NRP1: variants seen among roughly 807,000 people sequenced by gnomAD.
The protein encoded by NRP1 is neuropilin-1.
NRP1 carries 35 observed loss-of-function variants against 106.7 expected under a neutral mutation model. The observed-to-expected ratio is 0.33, with a 90% CI of 0.25 to 0.43. The LOEUF (loss-of-function observed/expected upper bound fraction) is 0.43, where lower values mean the gene tolerates loss of function less well. NRP1 is among the 20% of genes least tolerant of loss of function. NRP1 has a pLI of 1.00. For synonymous variants in NRP1, 437 were observed against 417.9 expected (o/e 1.05, Z -0.56); for missense variants, 1,024 against 1,170.4 (o/e 0.87, Z 1.83).
Position 33,207,753 on chromosome 10 carries a change from A to AG in NRP1, c.1615-38_1615-37insC, listed in dbSNP as rs1554779708. 223 of 1,598,522 alleles carry AG rather than the reference A, an allele frequency of 1.4e-4. 1 individual carries two copies. In the African/African-American group the frequency reaches 2.7e-3, roughly 19 times the overall value. ...GGAAAACACAGGGCATTAAGGAAAA[A>AG]AAAAAACAGAGCTCCCTTTTAGCAA... On this transcript the variant is annotated intron_variant, in intron 9 of 16. Transcript: ENST00000374867.
At chr10:33,290,174 G>T (rs1179814515) in intron 2 of NRP1, among the ~76,000 whole-genome samples, 1 of 152,116 alleles carries the variant, frequency 6.6e-6, no homozygotes, top group Non-Finnish European at 1.5e-5. Context: ...ACGTCTATAT[G>T]TGCATATATT....
At chr10:33,234,914 G>T (rs1207216350) in intron 6 of NRP1, among the ~76,000 whole-genome samples, 1 of 152,158 alleles carries the variant, frequency 6.6e-6, no homozygotes, top group East Asian at 1.9e-4. Context: ...CAGGGGCAGT[G>T]GAAGGGCTGG....
rs371179114 is a variant in NRP1 at position 33,289,219 on chromosome 10, T to C, written c.249-18363A>G. 5.3e-5 allele frequency among the ~76,000 whole-genome samples: 8 copies of C among 152,298 alleles called. No homozygotes were observed. In the East Asian group the frequency reaches 1.5e-3, roughly 29 times the overall value. On this transcript the variant is annotated intron_variant, in intron 2 of 16. Coordinates refer to ENST00000374867, the MANE Select transcript of NRP1 (RefSeq NM_003873.7). Reference sequence around the variant, plus strand: ...ATCACTTCTGGGAAAACTCAAAGCATGGCGGGGTGTACTGCTTTTGTTCCA... The same window carrying C: ...ATCACTTCTGGGAAAACTCAAAGCACGGCGGGGTGTACTGCTTTTGTTCCA...
intron 3 of NRP1, among the ~76,000 whole-genome samples, chr10:33,268,595 G>C (rs1422517962): frequency 6.6e-6 from 1 of 152,204 alleles, no homozygotes; most frequent in Non-Finnish European, 1.5e-5. Context: ...TCATGAGTTA[G>C]TGACAAATCT....
rs77424218 is a variant in NRP1, at chr10:33,182,835, A to G, written c.2432-87T>C. 1,281 of 154,220 alleles carry G rather than the reference A, an allele frequency of 8.3e-3. 3 individuals are homozygous for G. Among genetic ancestry groups the G allele is most frequent in the South Asian group, 0.015 (132 of 8,862 alleles). The allele number at this position is 154,220 out of a possible 1,614,324, so 9.6% of individuals were successfully genotyped here. On this transcript the variant is annotated intron_variant, in intron 15 of 16. Transcript: ENST00000374867. ...ACTACACAAACCTTTAGGTACATGC[A>G]CACACACACACACACACACACACAC... is the stretch of plus-strand genomic sequence containing the variant.
At chr10:33,217,976 C>G (rs1160406889) in intron 8 of NRP1, among the ~76,000 whole-genome samples, 3 of 152,144 alleles carry the variant, frequency 2.0e-5, no homozygotes, top group Non-Finnish European at 4.4e-5. Flanking sequence ...CGATGGGAGA[C>G]CCTGAATGAG....
At position 33,270,623 on chromosome 10, in the gene NRP1, G is replaced by T. The variant is rs936225070; in HGVS notation, c.430+52C>A. 5 of 1,478,348 alleles carry T rather than the reference G, an allele frequency of 3.4e-6. No homozygotes were observed. In the South Asian group the frequency reaches 5.5e-5, roughly 16 times the overall value. 91.6% of individuals were successfully genotyped at this position (1,478,348 alleles called of 1,614,324 possible). A position where few individuals can be genotyped will look rare whatever the true frequency, so the allele number is the denominator to read the frequency against. Reference sequence around the variant, plus strand: ...ATTACAGGGGTGAGCCACCACACTCGGCCTAAATGAACTCTTAGTCATTCT... The same window carrying T: ...ATTACAGGGGTGAGCCACCACACTCTGCCTAAATGAACTCTTAGTCATTCT... On this transcript the variant is annotated intron_variant, in intron 3 of 16. Transcript: ENST00000374867.
At chr10:33,203,393 G>T (rs925176794) in intron 10 of NRP1, among the ~76,000 whole-genome samples, 7 of 152,040 alleles carry the variant, frequency 4.6e-5, no homozygotes, top group African/African-American at 1.7e-4. Context: ...GCACTCACTT[G>T]TCATAAATTC....
At chr10:33,314,017 C>CTTCG (rs1554810763) in intron 2 of NRP1, among the ~76,000 whole-genome samples, 2 of 102,846 alleles carry the variant, frequency 1.9e-5, no homozygotes, top group Admixed American at 2.3e-4. Flanking sequence ...TCCTTCCTTC[C>CTTCG]TTCTCTCTCT....
At chr10:33,200,905 G>C (rs923506228) in intron 11 of NRP1, 1 of 152,144 alleles carries the variant, frequency 6.6e-6, no homozygotes, top group Non-Finnish European at 1.5e-5. Context: ...TTCCAAAATG[G>C]CTTCTTCTTG....
At position 33,177,832 on chromosome 10, in the gene NRP1, T is replaced by C. The variant is rs1426482206; in HGVS notation, c.*2244A>G. 1 of 152,602 alleles carries C rather than the reference T, an allele frequency of 6.6e-6. No homozygotes were observed. Among genetic ancestry groups the C allele is most frequent in the Non-Finnish European group, 1.5e-5 (1 of 68,032 alleles). The allele number at this position is 152,602 out of a possible 1,614,324, so 9.5% of individuals were successfully genotyped here. ...GAAAAAATATGTTATTTTACACCTT[T>C]AAAAATTACAAAACAATCTAAAACA... On this transcript the variant is annotated 3_prime_UTR_variant, in exon 17 of 17. Transcript: ENST00000374867.
intron 2 of NRP1, among the ~76,000 whole-genome samples, chr10:33,276,484 G>A (rs796987041): frequency 1.5e-4 from 23 of 152,266 alleles, no homozygotes; most frequent in African/African-American, 5.5e-4. Context: ...TCACATGTAT[G>A]ATCTAATTTA....
chr10:33,236,449 T>G (rs1238623689), intron 6 of NRP1, among the ~76,000 whole-genome samples: 1 of 152,226 alleles, frequency 6.6e-6, no homozygotes, highest in Non-Finnish European at 1.5e-5. Flanking sequence ...AACTCTTGAT[T>G]CCATCTGATT....
chr10:33,302,098 A>T (rs1845843154), intron 2 of NRP1, among the ~76,000 whole-genome samples: 1 of 152,212 alleles, frequency 6.6e-6, no homozygotes, highest in Non-Finnish European at 1.5e-5. Flanking sequence ...ATAAAAAAAA[A>T]TTTCCAATTT....
chr10:33,207,758 A>C, intron 9 of NRP1, 42 bp from the exon 10 acceptor site: 1 of 1,598,742 alleles, frequency 6.3e-7, no homozygotes, highest in Non-Finnish European at 8.5e-7. Flanking sequence ...GAAAAAAAAA[A>C]ACAGAGCTCC....
chr10:33,209,589 G>A (rs1490904934), intron 9 of NRP1, among the ~76,000 whole-genome samples: 1 of 152,192 alleles, frequency 6.6e-6, no homozygotes, highest in Non-Finnish European at 1.5e-5. Context: ...CGATTCTCTT[G>A]CCTCAGCCTC....
At chr10:33,310,826 G>A (rs1000368703) in intron 2 of NRP1, among the ~76,000 whole-genome samples, 1 of 152,150 alleles carries the variant, frequency 6.6e-6, no homozygotes, top group African/African-American at 2.4e-5. Context: ...ACATTTATTG[G>A]ATAATTATTA....
chr10:33,291,793 C>T (rs1487336920), intron 2 of NRP1, among the ~76,000 whole-genome samples: 1 of 152,138 alleles, frequency 6.6e-6, no homozygotes, highest in Non-Finnish European at 1.5e-5. Flanking sequence ...TGAAAATAAA[C>T]TAGAAAATTG....
At chr10:33,216,125 CTTCT>C (rs1357393342) in intron 8 of NRP1, among the ~76,000 whole-genome samples, 3 of 149,838 alleles carry the variant, frequency 2.0e-5, no homozygotes, top group Non-Finnish European at 3.0e-5. Flanking sequence ...CTGCATTTCC[CTTCT>C]TTCTTTCTTT....
Sources: gnomAD v4.1 joint callset for allele counts (sites outside exome capture counted in the v4.1 genomes callset) on GRCh38, gnomAD v4.1.1 for gene constraint, MANE v1.5 for transcripts, NCBI Gene and HGNC (gene_info 2026-07-23, HGNC 2026-07-21) for gene names.